ZNF475: variants seen among roughly 807,000 people sequenced by gnomAD.
ZNF475 encodes zinc finger protein 475.
the ZNF475 span, among the ~76,000 whole-genome samples, chr5:122,170,003 AAGTAATGGAGC>A: frequency 6.6e-6 from 1 of 152,214 alleles, no homozygotes; most frequent in Non-Finnish European, 1.5e-5. Context: ...CTGCTTTTTA[AAGTAATGGAGC>A]AGAATTCTAG....
chr5:122,160,358 G>A, the ZNF475 span: 14 of 1,015,336 alleles, frequency 1.4e-5, no homozygotes, highest in African/African-American at 1.7e-4. Flanking sequence ...TGTGTGTGTC[G>A]AAGGTGGGGA....
chr5:122,179,524 C>T, the ZNF475 span: 48 of 1,284,768 alleles, frequency 3.7e-5, no homozygotes, highest in Non-Finnish European at 5.0e-5. Context: ...GGAGTTCACT[C>T]ATGATTTATT....
At chr5:122,166,480 T>A in the ZNF475 span, among the ~76,000 whole-genome samples, 1 of 152,192 alleles carries the variant, frequency 6.6e-6, no homozygotes, top group African/African-American at 2.4e-5. Context: ...TATCTCCTAA[T>A]GCTATCTCCC....
At chr5:122,162,315 G>A in the ZNF475 span, 1 of 152,244 alleles carries the variant, frequency 6.6e-6, no homozygotes, top group East Asian at 1.9e-4. Context: ...TCTTTTACAC[G>A]GCATCCAGTG....
At chr5:122,162,831 G>A in the ZNF475 span, 1 of 152,174 alleles carries the variant, frequency 6.6e-6, no homozygotes, top group East Asian at 1.9e-4. Flanking sequence ...TGACCCAAAG[G>A]AATAAACTTT....
the ZNF475 span, among the ~76,000 whole-genome samples, chr5:122,175,763 T>G: frequency 6.6e-6 from 1 of 152,198 alleles, no homozygotes; most frequent in Non-Finnish European, 1.5e-5. Context: ...CATCTTCTAC[T>G]GCCTCCTCTG....
At chr5:122,175,975 T>G in the ZNF475 span, among the ~76,000 whole-genome samples, 1 of 149,248 alleles carries the variant, frequency 6.7e-6, no homozygotes, top group Non-Finnish European at 1.5e-5. Context: ...GCTTTTACCC[T>G]TACCACTCCT....
the ZNF475 span, among the ~76,000 whole-genome samples, chr5:122,170,065 T>C: frequency 1.3e-5 from 2 of 152,238 alleles, no homozygotes; most frequent in Non-Finnish European, 2.9e-5. Flanking sequence ...TTAACTGATA[T>C]GTATTCAACC....
chr5:122,171,496 A>G, the ZNF475 span, among the ~76,000 whole-genome samples: 1 of 152,224 alleles, frequency 6.6e-6, no homozygotes, highest in African/African-American at 2.4e-5. Flanking sequence ...CCAAAGTGAA[A>G]CTAATAATTT....
chr5:122,171,766 T>A, the ZNF475 span, among the ~76,000 whole-genome samples: 1 of 151,500 alleles, frequency 6.6e-6, no homozygotes, highest in Non-Finnish European at 1.5e-5. Flanking sequence ...TGAGACAGGG[T>A]CTCACACTGG....
the ZNF475 span, among the ~76,000 whole-genome samples, chr5:122,174,390 T>C: frequency 6.6e-6 from 1 of 152,184 alleles, no homozygotes; most frequent in Non-Finnish European, 1.5e-5. Context: ...ATAGGTCTTC[T>C]TATCTCTGTT....
At chr5:122,166,226 G>A in the ZNF475 span, among the ~76,000 whole-genome samples, 1 of 152,176 alleles carries the variant, frequency 6.6e-6, no homozygotes, top group African/African-American at 2.4e-5. Context: ...ATCAACTGTA[G>A]ATGAGGACTA....
chr5:122,177,522 A>C, the ZNF475 span, among the ~76,000 whole-genome samples: 1 of 152,156 alleles, frequency 6.6e-6, no homozygotes, highest in Non-Finnish European at 1.5e-5. Flanking sequence ...TATAGTACCA[A>C]TATGAAGAAT....
chr5:122,168,938 G>A, the ZNF475 span, among the ~76,000 whole-genome samples: 1 of 152,120 alleles, frequency 6.6e-6, no homozygotes, highest in African/African-American at 2.4e-5. Context: ...TGTTCTGACA[G>A]GAGGATGAAG....
At chr5:122,177,852 C>A in the ZNF475 span, among the ~76,000 whole-genome samples, 1 of 152,004 alleles carries the variant, frequency 6.6e-6, no homozygotes. Context: ...CCCATCAACA[C>A]GTTATCTACA....
chr5:122,166,299 TG>T, the ZNF475 span, among the ~76,000 whole-genome samples: 2 of 152,222 alleles, frequency 1.3e-5, no homozygotes, highest in Non-Finnish European at 2.9e-5. Context: ...TAATGAACTT[TG>T]AAGTGCCTCA....
At chr5:122,181,449 C>T in the ZNF475 span, among the ~76,000 whole-genome samples, 2 of 152,088 alleles carry the variant, frequency 1.3e-5, no homozygotes, top group African/African-American at 4.8e-5. Flanking sequence ...CATTCATATC[C>T]CACATAGACA....
At chr5:122,171,213 G>A in the ZNF475 span, among the ~76,000 whole-genome samples, 1 of 151,992 alleles carries the variant, frequency 6.6e-6, no homozygotes, top group African/African-American at 2.4e-5. Flanking sequence ...TTACCTTTAA[G>A]GCTGATTTTA....
At chr5:122,176,828 C>T in the ZNF475 span, among the ~76,000 whole-genome samples, 1 of 152,112 alleles carries the variant, frequency 6.6e-6, no homozygotes, top group Admixed American at 6.5e-5. Flanking sequence ...TTTGAGTCTC[C>T]AATGGGCTCA....
Sources: allele counts gnomAD v4.1 joint callset (sites outside exome capture counted in the v4.1 genomes callset), GRCh38; gene constraint gnomAD v4.1.1; transcripts MANE v1.5; gene names NCBI Gene and HGNC (gene_info 2026-07-23, HGNC 2026-07-21).